RPS6KC1: variants seen among roughly 807,000 people sequenced by gnomAD.
RPS6KC1 encodes ribosomal protein S6 kinase C1.
Under a neutral mutation model 103.8 loss-of-function variants are expected in RPS6KC1, and 54 were observed. The ratio of observed to expected loss-of-function variants is 0.52; its 90% CI spans 0.42 to 0.65. RPS6KC1 has a LOEUF of 0.65. Ranked by LOEUF, RPS6KC1 falls within the 30% of genes least tolerant of loss-of-function variation. The probability of loss-of-function intolerance (pLI) is 0.00; values close to 1 mark genes in which losing one functional copy is unlikely to be tolerated. For missense variants in RPS6KC1, 1,151 were observed against 1,253.8 expected (o/e 0.92, Z 1.24); for synonymous variants, 439 against 438.7 (o/e 1.00, Z -0.01).
At chr1:213,427,226 A>C in the RPS6KC1 span, among the ~76,000 whole-genome samples, 208 of 152,338 alleles carry the variant, frequency 1.4e-3, no homozygotes, top group African/African-American at 4.7e-3. Context: ...TCTATAGGAA[A>C]ACTGGGGACA....
chr1:213,627,841 ATT>A, the RPS6KC1 span, among the ~76,000 whole-genome samples: 145 of 152,236 alleles, frequency 9.5e-4, no homozygotes, highest in African/African-American at 3.3e-3. Flanking sequence ...TTTATTGAGG[ATT>A]TTGGAATCGA....
At chr1:213,078,042 C>A (rs1487659288) in intron 3 of RPS6KC1, among the ~76,000 whole-genome samples, 4 of 152,020 alleles carry the variant, frequency 2.6e-5, no homozygotes, top group African/African-American at 9.7e-5. Context: ...TCAGTTCCAA[C>A]CAACCAAATA....
the RPS6KC1 span, among the ~76,000 whole-genome samples, chr1:213,797,854 T>C: frequency 6.6e-6 from 1 of 152,202 alleles, no homozygotes; most frequent in African/African-American, 2.4e-5. Context: ...GGTTTCTGAA[T>C]CTTTAAAATC....
chr1:213,394,972 C>T, the RPS6KC1 span, among the ~76,000 whole-genome samples: 12 of 152,340 alleles, frequency 7.9e-5, no homozygotes, highest in African/African-American at 2.4e-4. Context: ...AGAGGGCTGG[C>T]GTGGGCTTCT....
At chr1:213,354,104 G>A in the RPS6KC1 span, among the ~76,000 whole-genome samples, 1 of 152,164 alleles carries the variant, frequency 6.6e-6, no homozygotes, top group East Asian at 1.9e-4. Context: ...ACCTGTCTTG[G>A]CACCATTCCT....
At chr1:213,607,231 C>T in the RPS6KC1 span, among the ~76,000 whole-genome samples, 2,605 of 152,236 alleles carry the variant, frequency 0.017, 67 homozygotes, top group African/African-American at 0.06. Context: ...GAAATAAGCA[C>T]AATTTCAGTA....
At chr1:213,589,938 GGTGTGTGTGTGTGTGT>G in the RPS6KC1 span, among the ~76,000 whole-genome samples, 117 of 132,824 alleles carry the variant, frequency 8.8e-4, no homozygotes, top group African/African-American at 1.5e-3. Flanking sequence ...AAAAGGTAGT[GGTGTGTGTGTGTGTGT>G]GTGTGTGTGT....
rs970286813 is a variant in RPS6KC1, at chr1:213,178,222, T to G, written c.1044+1730T>G. On this transcript the variant is annotated intron_variant, in intron 8 of 14. Coordinates refer to ENST00000366960, the MANE Select transcript of RPS6KC1 (RefSeq NM_012424.6). ...ATAAATAAATAAATAAATAAATAAA[T>G]AAATAAATATCAAGTCTTTAAAAAA... Among the ~76,000 whole-genome samples, 5 of 147,686 alleles carry G rather than the reference T, an allele frequency of 3.4e-5. No homozygotes were observed. In the South Asian group the frequency reaches 1.1e-3, roughly 32 times the overall value.
chr1:213,189,448 C>CAA (rs35941412), intron 8 of RPS6KC1, among the ~76,000 whole-genome samples: 9 of 103,550 alleles, frequency 8.7e-5, no homozygotes, highest in East Asian at 2.9e-4. Context: ...GCCTTTGTCT[C>CAA]AAAAAAAAAA....
chr1:213,790,799 C>G, the RPS6KC1 span, among the ~76,000 whole-genome samples: 3 of 152,094 alleles, frequency 2.0e-5, no homozygotes, highest in Non-Finnish European at 2.9e-5. Flanking sequence ...CAATCATGTG[C>G]CCTAGTGAAT....
chr1:213,345,721 A>G, the RPS6KC1 span, among the ~76,000 whole-genome samples: 15 of 152,330 alleles, frequency 9.8e-5, no homozygotes, highest in Non-Finnish European at 1.5e-4. Context: ...TTATTCTTCA[A>G]GCCATCTGAG....
chr1:213,483,446 G>T, the RPS6KC1 span, among the ~76,000 whole-genome samples: 2 of 152,198 alleles, frequency 1.3e-5, no homozygotes, highest in African/African-American at 4.8e-5. Flanking sequence ...CAAAGTTTTG[G>T]ACATAATAAA....
At chr1:213,714,690 C>T in the RPS6KC1 span, among the ~76,000 whole-genome samples, 2 of 152,244 alleles carry the variant, frequency 1.3e-5, no homozygotes, top group Admixed American at 1.3e-4. Context: ...AAGGAGGGCC[C>T]TATTCTTGGG....
At chr1:213,687,282 T>C in the RPS6KC1 span, among the ~76,000 whole-genome samples, 2 of 150,798 alleles carry the variant, frequency 1.3e-5, no homozygotes, top group Non-Finnish European at 3.0e-5. Context: ...CCTCTGACAA[T>C]TTCCCTGTTA....
chr1:213,222,957 G>T (rs1415152729), intron 8 of RPS6KC1, among the ~76,000 whole-genome samples: 2 of 152,176 alleles, frequency 1.3e-5, no homozygotes, highest in African/African-American at 4.8e-5. Context: ...CTTTGAAAGA[G>T]AGTGTAGCAA....
chr1:213,424,037 C>T, the RPS6KC1 span, among the ~76,000 whole-genome samples: 1 of 152,198 alleles, frequency 6.6e-6, no homozygotes, highest in African/African-American at 2.4e-5. Flanking sequence ...CCCATGAAGC[C>T]TCCCCTTGGT....
the RPS6KC1 span, among the ~76,000 whole-genome samples, chr1:213,489,193 G>A: frequency 6.6e-6 from 1 of 152,206 alleles, no homozygotes; most frequent in Non-Finnish European, 1.5e-5. Flanking sequence ...GTCAGAGGGA[G>A]TGATCAGACC....
At chr1:213,291,970 G>A in the RPS6KC1 span, among the ~76,000 whole-genome samples, 10 of 152,126 alleles carry the variant, frequency 6.6e-5, no homozygotes, top group Non-Finnish European at 1.0e-4. Context: ...CATATGGCTA[G>A]CCAGTTTTTC....
At chr1:213,363,312 C>T in the RPS6KC1 span, among the ~76,000 whole-genome samples, 1 of 152,190 alleles carries the variant, frequency 6.6e-6, no homozygotes, top group Non-Finnish European at 1.5e-5. Context: ...TGAAAACCTG[C>T]CAGAGTAGTT....
Sources: allele counts gnomAD v4.1 joint callset (sites outside exome capture counted in the v4.1 genomes callset), GRCh38; gene constraint gnomAD v4.1.1; transcripts MANE v1.5; gene names NCBI Gene and HGNC (gene_info 2026-07-23, HGNC 2026-07-21).